SLC38A6: variants seen among roughly 807,000 people sequenced by gnomAD.
SLC38A6 encodes the protein solute carrier family 38 member 6.
Under a neutral mutation model 65.0 loss-of-function variants are expected in SLC38A6, and 73 were observed. The ratio of observed to expected loss-of-function variants is 1.12; its 90% confidence interval spans 0.93 to 1.37. The LOEUF (loss-of-function observed/expected upper bound fraction) is 1.37, where lower values mean the gene tolerates loss of function less well. Among genes scored for constraint, SLC38A6 ranks in the 40% most tolerant of loss-of-function variants. The probability of loss-of-function intolerance (pLI) is 0.00; values close to 1 mark genes in which losing one functional copy is unlikely to be tolerated. For synonymous variants in SLC38A6, 183 were observed against 178.8 expected, an observed-to-expected ratio of 1.02 and a Z score of -0.19; for missense variants, 561 against 531.1, an observed-to-expected ratio of 1.06 and a Z score of -0.55.
intron 12 of SLC38A6, among the ~76,000 whole-genome samples, chr14:61,049,436 G>T (rs2042371560): frequency 6.6e-6 from 1 of 152,108 alleles, no homozygotes; most frequent in South Asian, 2.1e-4. Flanking sequence ...CTCATGTAAT[G>T]TTCTCAGTAA....
chr14:61,045,941 T>C, intron 11 of SLC38A6, 126 bp from the exon 12 acceptor site: 1 of 578,926 alleles, frequency 1.7e-6, no homozygotes, highest in Non-Finnish European at 3.1e-6. Flanking sequence ...AATGAGGACT[T>C]CTAGTGTATA....
At chr14:61,014,931 G>T (rs897136889) in intron 3 of SLC38A6, among the ~76,000 whole-genome samples, 2 of 152,218 alleles carry the variant, frequency 1.3e-5, no homozygotes, top group Non-Finnish European at 2.9e-5. Flanking sequence ...AGACATTTAA[G>T]TCTGGACAGG....
intron 12 of SLC38A6, among the ~76,000 whole-genome samples, chr14:61,049,266 C>T (rs2042358092): frequency 1.3e-5 from 2 of 152,296 alleles, no homozygotes; most frequent in Admixed American, 6.5e-5. Flanking sequence ...GTCTGAAATG[C>T]ATTTCCAGCC....
intron 15 of SLC38A6, among the ~76,000 whole-genome samples, chr14:61,058,009 CT>C (rs953701833): frequency 1.4e-5 from 2 of 138,672 alleles, no homozygotes; most frequent in African/African-American, 2.7e-5. Context: ...ATTCTTCTCT[CT>C]TTTTTTCTTT....
rs1354634128 is a variant in SLC38A6, at chr14:61,004,802, A to G, written c.311-11102A>G. ...GTTCCTTCTGAAACTATTCCAATCA[A>G]TAGAAAAAGAGGGAATCCTCCCTAA... On this transcript the variant is annotated intron_variant, in intron 3 of 15. Transcript: ENST00000267488. Among the ~76,000 whole-genome samples the G allele has an allele frequency of 2.0e-5, 3 of 152,208 alleles. No individual in the cohort carries two copies. The East Asian group carries it at 5.8e-4, about 29-fold the overall frequency.
chr14:61,073,609 C>T (rs1235896608), intron 15 of SLC38A6, among the ~76,000 whole-genome samples: 1 of 152,088 alleles, frequency 6.6e-6, no homozygotes, highest in Non-Finnish European at 1.5e-5. Flanking sequence ...GAAAGGCTCT[C>T]CTCTGTAAGT....
At chr14:61,062,958 C>T (rs530302457) in intron 15 of SLC38A6, among the ~76,000 whole-genome samples, 1 of 152,320 alleles carries the variant, frequency 6.6e-6, no homozygotes, top group South Asian at 2.1e-4. Context: ...AGATTACAGG[C>T]ATGAGCTACC....
intron 10 of SLC38A6, 141 bp from the exon 11 acceptor site, chr14:61,045,205 A>G: frequency 1.7e-6 from 1 of 584,226 alleles, no homozygotes; most frequent in Non-Finnish European, 3.0e-6. Flanking sequence ...AAAAATTCTT[A>G]TTTTATAAAG....
chr14:61,038,355 C>G (rs2041542081), intron 8 of SLC38A6, among the ~76,000 whole-genome samples: 1 of 151,930 alleles, frequency 6.6e-6, no homozygotes, highest in South Asian at 2.1e-4. Context: ...AACATCTTAA[C>G]ATTCTAAAGA....
chr14:61,018,752 G>A (rs1176719878), intron 4 of SLC38A6, among the ~76,000 whole-genome samples: 1 of 152,080 alleles, frequency 6.6e-6, no homozygotes, highest in Non-Finnish European at 1.5e-5. Flanking sequence ...TAGTCCTCAG[G>A]CACATTTTAT....
chr14:60,985,340 T>C (rs2037376787), intron 3 of SLC38A6, among the ~76,000 whole-genome samples: 1 of 152,242 alleles, frequency 6.6e-6, no homozygotes, highest in Non-Finnish European at 1.5e-5. Flanking sequence ...ATTCAATATA[T>C]TTGTGTATAT....
At chr14:60,981,615 G>A (rs1374354611) in intron 1 of SLC38A6, 10 of 1,476,134 alleles carry the variant, frequency 6.8e-6, no homozygotes, top group African/African-American at 1.4e-5. Context: ...GCGTCGGGTG[G>A]AAGAGATGCA....
intron 3 of SLC38A6, among the ~76,000 whole-genome samples, chr14:61,007,071 G>A (rs887031120): frequency 2.0e-5 from 3 of 151,930 alleles, no homozygotes; most frequent in Non-Finnish European, 4.4e-5. Flanking sequence ...ACTATCCCAA[G>A]GACAAAAAAC....
At chr14:61,062,800 C>T (rs1264234200) in intron 15 of SLC38A6, among the ~76,000 whole-genome samples, 1 of 152,194 alleles carries the variant, frequency 6.6e-6, no homozygotes, top group Non-Finnish European at 1.5e-5. Context: ...AGTGCCTCAG[C>T]CTCCTGCATA....
chr14:60,998,855 C>T lies in SLC38A6; in HGVS notation c.310+14052C>T, dbSNP rs75606008. On this transcript the variant is annotated intron_variant, in intron 3 of 15. Coordinates refer to ENST00000267488, the MANE Select transcript of SLC38A6 (RefSeq NM_153811.3). ...CAGAACAGACAAGCCACAGCCCTGT[C>T]GCAGGCCCTGCCCTTCGTGGGGGAT... Among the ~76,000 whole-genome samples the T allele has an allele frequency of 4.4e-3, 671 of 152,250 alleles. 11 individuals carry two copies. The highest frequency in any genetic ancestry group is 0.014 in the African/African-American group (594 of 41,496).
chr14:61,052,299 C>CT (rs1566714592), intron 15 of SLC38A6, 50 bp from the exon 16 acceptor site: 15 of 1,436,362 alleles, frequency 1.0e-5, no homozygotes, highest in African/African-American at 1.5e-5. Context: ...ATTTTTTTAT[C>CT]TTTTTTCTTT....
intron 5 of SLC38A6, among the ~76,000 whole-genome samples, chr14:61,028,679 C>CT (rs2040749297): frequency 6.6e-6 from 1 of 152,122 alleles, no homozygotes; most frequent in East Asian, 1.9e-4. Context: ...CCCACTGAGA[C>CT]ATAGCTGTAC....
chr14:61,012,937 CT>C (rs1566649520), intron 3 of SLC38A6, among the ~76,000 whole-genome samples: 1 of 152,068 alleles, frequency 6.6e-6, no homozygotes. Flanking sequence ...CCTGGAGATC[CT>C]TGTTAACTTT....
At position 61,043,450 on chromosome 14, in the gene SLC38A6, A is replaced by T; in HGVS notation, c.691A>T (p.Ile231Phe). ...TLNYVEKGFQ[I>F]SNVTDDCKPK... ...TTTTCCCCTCAATGCTCTTAAACAG[A>T]TTTCAAATGTTACAGATGATTGTAA... The change falls in exon 10 of 16, where the codon ATT (isoleucine) becomes TTT (phenylalanine). Residue 231 changes from isoleucine (I) to phenylalanine (F), a missense_variant and splice_region_variant. Ile to Phe is a conservative substitution (Grantham distance 21). Transcript: ENST00000267488. 1 of 1,605,754 alleles carries T rather than the reference A, an allele frequency of 6.2e-7. No individual in the cohort carries two copies. The highest frequency in any genetic ancestry group is 2.2e-5 in the East Asian group (1 of 44,692).
Sources: allele counts gnomAD v4.1 joint callset (sites outside exome capture counted in the v4.1 genomes callset), GRCh38; gene constraint gnomAD v4.1.1; transcripts MANE v1.5; gene names NCBI Gene and HGNC (gene_info 2026-07-23, HGNC 2026-07-21).